RHOT1: variants seen among roughly 807,000 people sequenced by gnomAD.
The protein encoded by RHOT1 is mitochondrial Rho GTPase 1.
In RHOT1, 27 loss-of-function variants were observed where a neutral mutation model predicts 95.3. The ratio of observed to expected loss-of-function variants is 0.28; its 90% CI spans 0.21 to 0.39. The LOEUF is 0.39. Among genes scored for constraint, RHOT1 ranks in the 10% least tolerant of loss-of-function variants. The pLI is 1.00. For synonymous variants in RHOT1, 227 were observed against 263.5 expected (o/e 0.86, Z 1.34); for missense variants, 578 against 786.7 (o/e 0.73, Z 3.17).
In RHOT1 at chr17:32,206,441, C is replaced by CTTTTTTTTTTTTTTTTTTTTT. The variant is rs34176535; in HGVS notation, c.1417-461_1417-441dup. ...GAAGATACTTATTTGTCTATACTTT[C>CTTTTTTTTTTTTTTTTTTTTT]TTTTTTTTTTTTTTTTTTTTTTTTT... On this transcript the variant is annotated intron_variant, in intron 16 of 19. Transcript: ENST00000545287. 3.0e-5 allele frequency among the ~76,000 whole-genome samples: 2 copies of CTTTTTTTTTTTTTTTTTTTTT among 67,026 alleles called. 1 individual carries two copies. The highest frequency in any genetic ancestry group is 6.0e-5 in the Non-Finnish European group (2 of 33,320). 44.0% of individuals were successfully genotyped at this position (67,026 alleles called of 152,430 possible).
intron 14 of RHOT1, among the ~76,000 whole-genome samples, chr17:32,201,468 A>G (rs934824054): frequency 4.6e-5 from 7 of 152,262 alleles, no homozygotes; most frequent in Admixed American, 6.5e-5. Flanking sequence ...AGTAAACCAT[A>G]TGTATGGAAA....
At chr17:32,172,898 G>C (rs2034691746) in intron 2 of RHOT1, 1 of 152,224 alleles carries the variant, frequency 6.6e-6, no homozygotes, top group Non-Finnish European at 1.5e-5. Context: ...TTATTTTCTA[G>C]AGGAAATGAA....
intron 1 of RHOT1, among the ~76,000 whole-genome samples, chr17:32,170,223 T>C (rs2034464263): frequency 1.3e-5 from 2 of 152,278 alleles, no homozygotes; most frequent in South Asian, 4.1e-4. Flanking sequence ...GAGACCAGCC[T>C]GGCCAACATG....
intron 19 of RHOT1, among the ~76,000 whole-genome samples, chr17:32,220,759 C>A (rs1227797786): frequency 7.7e-5 from 11 of 142,990 alleles, no homozygotes; most frequent in Non-Finnish European, 1.5e-4. Flanking sequence ...TGACTGGAAG[C>A]TGGGAGGTGG....
chr17:32,197,963 C>T (rs913469154), intron 11 of RHOT1, among the ~76,000 whole-genome samples: 4 of 152,278 alleles, frequency 2.6e-5, no homozygotes, highest in East Asian at 1.9e-4. Context: ...GGTGCAAACA[C>T]GGCTCACTGC....
At chr17:32,210,539 AC>A (rs2038058582) in intron 18 of RHOT1, among the ~76,000 whole-genome samples, 4 of 152,140 alleles carry the variant, frequency 2.6e-5, no homozygotes, top group Admixed American at 2.6e-4. Context: ...TTTATAAAGC[AC>A]CTTGATTTAG....
chr17:32,214,894 CTTTTTTTTTTT>C (rs551151153), intron 19 of RHOT1, among the ~76,000 whole-genome samples: 128 of 52,838 alleles, frequency 2.4e-3, no homozygotes, highest in African/African-American at 6.5e-3. Flanking sequence ...AAAGGCTTGT[CTTTTTTTTTTT>C]TTTTTTTTTT....
intron 6 of RHOT1, among the ~76,000 whole-genome samples, chr17:32,178,734 G>C (rs2035255903): frequency 6.7e-6 from 1 of 149,594 alleles, no homozygotes; most frequent in African/African-American, 2.5e-5. Context: ...CCCTGTCTGG[G>C]AGGTGAGGAG....
intron 16 of RHOT1, among the ~76,000 whole-genome samples, chr17:32,204,235 C>A (rs1228526585): frequency 1.3e-5 from 2 of 151,712 alleles, no homozygotes; most frequent in African/African-American, 4.8e-5. Flanking sequence ...TATTTTTTTT[C>A]ATCTGGTTTA....
At chr17:32,176,688 T>G (rs2035034831) in intron 6 of RHOT1, among the ~76,000 whole-genome samples, 1 of 152,002 alleles carries the variant, frequency 6.6e-6, no homozygotes, top group African/African-American at 2.4e-5. Flanking sequence ...TTCTCATGCC[T>G]CAGTCTCCTG....
intron 10 of RHOT1, among the ~76,000 whole-genome samples, chr17:32,193,756 C>G (rs2036669622): frequency 6.6e-6 from 1 of 152,154 alleles, no homozygotes; most frequent in Non-Finnish European, 1.5e-5. Flanking sequence ...CCTTGAGATG[C>G]AATGTTGGCC....
intron 1 of RHOT1, among the ~76,000 whole-genome samples, chr17:32,151,725 AC>A (rs1318783994): frequency 6.6e-6 from 1 of 152,032 alleles, no homozygotes; most frequent in African/African-American, 2.4e-5. Context: ...TACTAAAAAT[AC>A]AAAAAATTAG....
intron 18 of RHOT1, among the ~76,000 whole-genome samples, chr17:32,210,794 G>A (rs1171429910): frequency 6.6e-6 from 1 of 152,100 alleles, no homozygotes; most frequent in East Asian, 1.9e-4. Context: ...TAATTTAGAC[G>A]AGGGTGCCAT....
intron 6 of RHOT1, chr17:32,179,031 G>A (rs562763878): frequency 9.0e-4 from 135 of 149,368 alleles, no homozygotes; most frequent in African/African-American, 3.1e-3. Context: ...CTGCCTGGCC[G>A]CCCCGTCTGG....
chr17:32,166,254 A>T (rs541955326), intron 1 of RHOT1, among the ~76,000 whole-genome samples: 16 of 142,832 alleles, frequency 1.1e-4, no homozygotes, highest in Non-Finnish European at 2.2e-4. Flanking sequence ...TGTAATATCT[A>T]AAAAATGTAC....
At chr17:32,217,437 G>A (rs1375525759) in intron 19 of RHOT1, among the ~76,000 whole-genome samples, 1 of 152,136 alleles carries the variant, frequency 6.6e-6, no homozygotes, top group Non-Finnish European at 1.5e-5. Context: ...GTTATTAGCA[G>A]TAGTGGCATT....
intron 1 of RHOT1, 146 bp from the exon 2 acceptor site, chr17:32,170,897 T>C (rs2034520603): frequency 4.2e-6 from 2 of 481,018 alleles, no homozygotes; most frequent in African/African-American, 4.1e-5. Context: ...AACATAAAGA[T>C]ATACTTTTAA....
intron 1 of RHOT1, among the ~76,000 whole-genome samples, chr17:32,156,875 A>T (rs2033021492): frequency 6.6e-6 from 1 of 152,210 alleles, no homozygotes. Flanking sequence ...TGTGTACTTA[A>T]TGTGTGACAG....
intron 1 of RHOT1, among the ~76,000 whole-genome samples, chr17:32,149,613 A>ATG (rs1261403430): frequency 2.3e-4 from 19 of 82,136 alleles, no homozygotes; most frequent in African/African-American, 1.3e-3. Flanking sequence ...ATATATATAT[A>ATG]TATATATATA....
Sources: allele counts gnomAD v4.1 joint callset (sites outside exome capture counted in the v4.1 genomes callset), GRCh38; gene constraint gnomAD v4.1.1; transcripts MANE v1.5; gene names NCBI Gene and HGNC (gene_info 2026-07-23, HGNC 2026-07-21).